Variants in GRIN2A observed in about 807,000 individuals in gnomAD.
GRIN2A encodes glutamate ionotropic receptor NMDA type subunit 2A.
Under a neutral mutation model 113.4 loss-of-function variants are expected in GRIN2A, and 22 were observed. The observed-to-expected ratio is 0.19, with a 90% CI of 0.14 to 0.28. GRIN2A has a LOEUF of 0.28. Among genes scored for constraint, GRIN2A ranks in the 10% least tolerant of loss-of-function variants. The pLI, the probability that GRIN2A is intolerant of heterozygous loss-of-function variation, is 1.00. For missense variants in GRIN2A, 1,502 were observed against 1,887.0 expected (o/e 0.80, Z 3.78); for synonymous variants, 827 against 738.4 (o/e 1.12, Z -1.94).
At position 10,099,882 on chromosome 16, in the gene GRIN2A, A is replaced by G. The variant is rs192017157; in HGVS notation, c.414+80116T>C. 1.1e-3 allele frequency among the ~76,000 whole-genome samples: 163 copies of G among 152,358 alleles called. 1 individual carries two copies. The highest frequency in any genetic ancestry group is 5.0e-3 in the Admixed American group (76 of 15,302). On this transcript the variant is annotated intron_variant, in intron 2 of 12. Coordinates refer to ENST00000330684, the MANE Select transcript of GRIN2A (RefSeq NM_001134407.3). ...TCCTGAGGTGCCGAGTGCTGGGGAT[A>G]TAACAGTGAAGATGGATAATTCTCC...
At chr16:10,122,571 T>C (rs1399297685) in intron 2 of GRIN2A, among the ~76,000 whole-genome samples, 3 of 152,152 alleles carry the variant, frequency 2.0e-5, no homozygotes, top group African/African-American at 7.2e-5. Flanking sequence ...TTCCTGATGC[T>C]TATTTCCTAA....
chr16:9,990,542 TAC>T (rs139856536), intron 2 of GRIN2A, among the ~76,000 whole-genome samples: 14,320 of 137,076 alleles, frequency 0.1, 765 homozygotes, highest in Admixed American at 0.11. Flanking sequence ...TCTCTCTCTC[TAC>T]ACGCGCGCGC....
At chr16:9,926,309 T>C (rs2044461774) in intron 3 of GRIN2A, among the ~76,000 whole-genome samples, 1 of 152,236 alleles carries the variant, frequency 6.6e-6, no homozygotes, top group Non-Finnish European at 1.5e-5. Flanking sequence ...GAAAGCCAAG[T>C]TCATTTTACT....
intron 10 of GRIN2A, among the ~76,000 whole-genome samples, chr16:9,813,699 C>CA (rs553969865): frequency 0.034 from 4,598 of 133,326 alleles, 96 homozygotes; most frequent in African/African-American, 0.054. Flanking sequence ...CACCCCCCCG[C>CA]AAAAAAAAAA....
In GRIN2A at chr16:9,761,643, G is replaced by A; in HGVS notation, c.*1506C>T. Reference sequence around the variant, plus strand: ...TAACATAGCAACTATCTTGTCGGGGGCACTTGTTTTTGTGGCAGGCACTGT... The same window carrying A: ...TAACATAGCAACTATCTTGTCGGGGACACTTGTTTTTGTGGCAGGCACTGT... On this transcript the variant is annotated 3_prime_UTR_variant, in exon 13 of 13. Transcript: ENST00000330684. The A allele has an allele frequency of 4.4e-6, 1 of 228,934 alleles. No homozygotes were observed. Among genetic ancestry groups the A allele is most frequent in the East Asian group, 6.2e-5 (1 of 16,002 alleles). The allele number at this position is 228,934 out of a possible 1,614,324, so 14.2% of individuals were successfully genotyped here.
intron 1 of GRIN2A, among the ~76,000 whole-genome samples, chr16:10,181,199 GCA>G (rs202075397): frequency 0.11 from 1,400 of 12,940 alleles, 12 homozygotes; most frequent in Middle Eastern, 0.33. Context: ...ACACACACGT[GCA>G]CACACACACG....
At chr16:9,836,423 G>A (rs1004784576) in intron 7 of GRIN2A, among the ~76,000 whole-genome samples, 17 of 152,222 alleles carry the variant, frequency 1.1e-4, no homozygotes, top group Non-Finnish European at 1.9e-4. Flanking sequence ...TTAAACATTA[G>A]AAGGGACCAT....
At chr16:9,932,110 C>T (rs2044606390) in intron 3 of GRIN2A, among the ~76,000 whole-genome samples, 3 of 152,208 alleles carry the variant, frequency 2.0e-5, no homozygotes, top group Admixed American at 2.0e-4. Context: ...ATTTTTCTTT[C>T]TCCTATACCT....
chr16:10,158,133 C>A (rs577120847), intron 2 of GRIN2A, among the ~76,000 whole-genome samples: 2 of 152,070 alleles, frequency 1.3e-5, no homozygotes, highest in Non-Finnish European at 2.9e-5. Context: ...GCCTCTCGAG[C>A]AGCTGGGACC....
intron 2 of GRIN2A, among the ~76,000 whole-genome samples, chr16:10,101,219 C>A (rs934323832): frequency 6.6e-6 from 1 of 152,216 alleles, no homozygotes; most frequent in South Asian, 2.1e-4. Context: ...CTCCCTTGCA[C>A]AATTCTACTT....
At chr16:9,871,666 C>T (rs577499104) in intron 4 of GRIN2A, among the ~76,000 whole-genome samples, 2 of 152,210 alleles carry the variant, frequency 1.3e-5, no homozygotes, top group Non-Finnish European at 2.9e-5. Context: ...CCTCATTTTT[C>T]TCATCTATAA....
At chr16:9,967,016 C>G (rs776150011) in intron 2 of GRIN2A, among the ~76,000 whole-genome samples, 1 of 152,166 alleles carries the variant, frequency 6.6e-6, no homozygotes, top group Non-Finnish European at 1.5e-5. Context: ...TAAGTTCTCA[C>G]GATGAAATTC....
intron 2 of GRIN2A, among the ~76,000 whole-genome samples, chr16:10,130,495 C>T (rs2049039025): frequency 6.6e-6 from 1 of 152,200 alleles, no homozygotes; most frequent in Non-Finnish European, 1.5e-5. Context: ...GCTGAGTAGA[C>T]TTTAAATGGA....
intron 2 of GRIN2A, among the ~76,000 whole-genome samples, chr16:10,078,708 C>A (rs1000969804): frequency 6.6e-6 from 1 of 152,188 alleles, no homozygotes; most frequent in African/African-American, 2.4e-5. Context: ...TCTGCAGCAG[C>A]TGCAGTGAAA....
chr16:9,838,896 G>A (rs1051531693), intron 7 of GRIN2A, among the ~76,000 whole-genome samples: 2 of 152,100 alleles, frequency 1.3e-5, no homozygotes, highest in African/African-American at 4.8e-5. Flanking sequence ...AATGGACACT[G>A]GAGACTCAGA....
chr16:10,001,834 G>C (rs1338518641), intron 2 of GRIN2A, among the ~76,000 whole-genome samples: 1 of 152,102 alleles, frequency 6.6e-6, no homozygotes, highest in Non-Finnish European at 1.5e-5. Context: ...GCAAATTTGA[G>C]GAGAGACAAA....
chr16:9,948,470 C>A (rs1438985622), intron 2 of GRIN2A, among the ~76,000 whole-genome samples: 1 of 152,180 alleles, frequency 6.6e-6, no homozygotes, highest in Non-Finnish European at 1.5e-5. Flanking sequence ...CAATATCATG[C>A]TGCAAGCATC....
At chr16:10,133,467 C>A (rs960363965) in intron 2 of GRIN2A, among the ~76,000 whole-genome samples, 1 of 152,168 alleles carries the variant, frequency 6.6e-6, no homozygotes, top group Non-Finnish European at 1.5e-5. Flanking sequence ...ATTAGCCAGG[C>A]ACGGTGCTGT....
intron 2 of GRIN2A, among the ~76,000 whole-genome samples, chr16:10,146,872 G>A (rs1007959688): frequency 6.6e-6 from 1 of 151,938 alleles, no homozygotes; most frequent in South Asian, 2.1e-4. Context: ...AAGAGACCTT[G>A]ATAGTCCAGA....
Sources: gnomAD v4.1 joint callset for allele counts (sites outside exome capture counted in the v4.1 genomes callset) on GRCh38, gnomAD v4.1.1 for gene constraint, MANE v1.5 for transcripts, NCBI Gene and HGNC (gene_info 2026-07-23, HGNC 2026-07-21) for gene names.